SLC28A1: variants seen among roughly 807,000 people sequenced by gnomAD.
SLC28A1 encodes the protein solute carrier family 28 member 1.
A neutral mutation model predicts 74.8 loss-of-function variants in SLC28A1; 64 were observed. That is an observed-to-expected ratio of 0.86 (90% CI 0.70 to 1.05). The LOEUF is 1.05. Ranked by LOEUF, SLC28A1 falls within the 50% of genes least tolerant of loss-of-function variation. SLC28A1 has a pLI of 0.00. For missense variants in SLC28A1, 828 were observed against 822.8 expected, an observed-to-expected ratio of 1.01 and a Z score of -0.08; for synonymous variants, 359 against 335.0, an observed-to-expected ratio of 1.07 and a Z score of -0.78.
At chr15:84,893,415 G>A (rs1965590576) in intron 5 of SLC28A1, among the ~76,000 whole-genome samples, 2 of 152,192 alleles carry the variant, frequency 1.3e-5, no homozygotes, top group African/African-American at 4.8e-5. Flanking sequence ...GTTCAGGTAG[G>A]AACTCCAGCC....
chr15:84,887,807 C>T lies in SLC28A1; in HGVS notation c.47C>T (p.Pro16Leu), dbSNP rs144265526. The T allele has an allele frequency of 7.2e-5, 116 of 1,614,150 alleles. No homozygotes were observed. Among genetic ancestry groups the T allele is most frequent in the African/African-American group, 3.7e-4 (28 of 75,054 alleles). ...SRRRESISLT[P>L]VAKGLENMGA... ...CGAAGAGAGTCCATCTCTCTCACAC[C>T]TGTGGCCAAGGGTCTGGAGAACATG... Residue 16 changes from proline (P) to leucine (L), a missense_variant, in exon 3 of 19, where the codon CCT becomes CTT. Physicochemically the swap from Pro to Leu is moderately conservative, Grantham distance 98. This residue lies in a region of SLC28A1 where 767 missense variants were observed against 753.5 expected (regional missense o/e 1.02). Coordinates refer to ENST00000394573, the MANE Select transcript of SLC28A1 (RefSeq NM_004213.5).
chr15:84,971,855 C>T, the SLC28A1 span, among the ~76,000 whole-genome samples: 2 of 152,110 alleles, frequency 1.3e-5, no homozygotes, highest in Non-Finnish European at 2.9e-5. Flanking sequence ...CATCATGTTG[C>T]CCAGGCTGGT....
At chr15:84,906,014 T>C (rs1967048345) in intron 8 of SLC28A1, among the ~76,000 whole-genome samples, 1 of 112,432 alleles carries the variant, frequency 8.9e-6, no homozygotes, top group African/African-American at 3.2e-5. Flanking sequence ...TATACATTTT[T>C]GTTCTTTTTT....
intron 11 of SLC28A1, among the ~76,000 whole-genome samples, chr15:84,922,033 C>T (rs1969886252): frequency 6.6e-6 from 1 of 152,272 alleles, no homozygotes; most frequent in African/African-American, 2.4e-5. Flanking sequence ...ACCTAGATGC[C>T]GGGGTCTACG....
At chr15:84,890,584 C>A in intron 5 of SLC28A1, 50 bp downstream of exon 5, 1 of 1,406,172 alleles carries the variant, frequency 7.1e-7, no homozygotes, top group Non-Finnish European at 9.9e-7. Flanking sequence ...CCTGCCTCAG[C>A]TATCCATGTC....
downstream of SLC28A1, among the ~76,000 whole-genome samples, chr15:84,947,152 T>C (rs1442046661): frequency 6.6e-6 from 1 of 152,242 alleles, no homozygotes; most frequent in Non-Finnish European, 1.5e-5. Flanking sequence ...CCTCAGGGCC[T>C]GTGTCCTTCC....
At chr15:84,888,638 C>T in intron 3 of SLC28A1, 134 bp from the exon 4 acceptor site, 1 of 687,438 alleles carries the variant, frequency 1.5e-6, no homozygotes, top group Non-Finnish European at 2.7e-6. Flanking sequence ...GTTTAGTAGC[C>T]TTCTAATTCC....
intron 6 of SLC28A1, among the ~76,000 whole-genome samples, chr15:84,897,969 GT>G (rs34354447): frequency 6.6e-6 from 1 of 151,952 alleles, no homozygotes; most frequent in African/African-American, 2.4e-5. Flanking sequence ...GGATTTCATT[GT>G]TTTTTTATGG....
At chr15:84,954,010 G>A in the SLC28A1 span, among the ~76,000 whole-genome samples, 2 of 152,176 alleles carry the variant, frequency 1.3e-5, no homozygotes, top group Non-Finnish European at 2.9e-5. Context: ...CCTGCACTGT[G>A]ACCTCCTTCT....
the SLC28A1 span, among the ~76,000 whole-genome samples, chr15:84,962,270 C>T: frequency 3.3e-5 from 5 of 151,650 alleles, no homozygotes; most frequent in Non-Finnish European, 7.4e-5. Context: ...ACAGAGATCT[C>T]GCTATGTTGC....
the SLC28A1 span, among the ~76,000 whole-genome samples, chr15:84,967,990 G>A: frequency 6.6e-6 from 1 of 152,114 alleles, no homozygotes; most frequent in South Asian, 2.1e-4. Flanking sequence ...CTGGTCCACT[G>A]TTGGTTGGTA....
At chr15:84,921,150 G>A in intron 11 of SLC28A1, 81 bp downstream of exon 11, 1 of 1,068,684 alleles carries the variant, frequency 9.4e-7, no homozygotes, top group Non-Finnish European at 1.4e-6. Flanking sequence ...CCAGAGCTCT[G>A]ATTCAGTCCA....
chr15:84,910,193 G>T (rs1967933359), intron 9 of SLC28A1, among the ~76,000 whole-genome samples: 1 of 152,172 alleles, frequency 6.6e-6, no homozygotes, highest in African/African-American at 2.4e-5. Context: ...GGGCAAATTT[G>T]CCCATCATGT....
At chr15:84,946,078 G>GTGTGTATA (rs2079196965), downstream of SLC28A1, among the ~76,000 whole-genome samples, 1 of 20,438 alleles carries the variant, frequency 4.9e-5, no homozygotes, top group Non-Finnish European at 1.0e-4. Flanking sequence ...ATATGTGTGT[G>GTGTGTATA]TATGTTCATA....
At chr15:84,908,174 A>ATTTTTTT (rs1596270479) in intron 8 of SLC28A1, among the ~76,000 whole-genome samples, 3 of 65,892 alleles carry the variant, frequency 4.6e-5, no homozygotes, top group East Asian at 5.0e-4. Flanking sequence ...CTCCCAGAGC[A>ATTTTTTT]TTTCTTTTTT....
Position 84,887,960 on chromosome 15 carries a change from C to T in SLC28A1, c.96+104C>T, listed in dbSNP as rs1009340562. On this transcript the variant is annotated intron_variant, in intron 3 of 18. Transcript: ENST00000394573. ...TTGCTCACCACCTTCCCTCATACCCCATTCTTCTGCCCCCTTCTCACCTCT... is the reference window on the plus strand; with the variant it reads ...TTGCTCACCACCTTCCCTCATACCCTATTCTTCTGCCCCCTTCTCACCTCT... The T allele has an allele frequency of 3.7e-6, 3 of 813,562 alleles. No individual in the cohort carries two copies. The African/African-American group carries it at 5.0e-5, about 14-fold the overall frequency. The allele number at this position is 813,562 out of a possible 1,614,324, so 50.4% of individuals were successfully genotyped here. A position where few individuals can be genotyped will look rare whatever the true frequency, so the allele number is the denominator to read the frequency against.
chr15:84,963,801 G>T, the SLC28A1 span, among the ~76,000 whole-genome samples: 1 of 152,156 alleles, frequency 6.6e-6, no homozygotes, highest in Non-Finnish European at 1.5e-5. Context: ...GGCTCATGAG[G>T]ATGCTTAGAT....
At chr15:84,939,957 G>A (rs984335746) in intron 15 of SLC28A1, among the ~76,000 whole-genome samples, 11 of 152,060 alleles carry the variant, frequency 7.2e-5, no homozygotes, top group Admixed American at 1.3e-4. Flanking sequence ...CTGTGTAGCT[G>A]GGATTACAGA....
intron 5 of SLC28A1, 34 bp downstream of exon 5, chr15:84,890,568 A>G (rs762307358): frequency 6.1e-5 from 92 of 1,509,396 alleles, no homozygotes; most frequent in Non-Finnish European, 7.4e-5. Context: ...CCAGGACACA[A>G]TGACTCCTGC....
Sources: allele counts gnomAD v4.1 joint callset (sites outside exome capture counted in the v4.1 genomes callset), GRCh38; gene constraint gnomAD v4.1.1; regional missense constraint gnomAD v4.1.1; transcripts MANE v1.5; gene names NCBI Gene and HGNC (gene_info 2026-07-23, HGNC 2026-07-21).